ZNG1C: variants seen among roughly 807,000 people sequenced by gnomAD.
ZNG1C encodes the protein Zn regulated GTPase metalloprotein activator 1C.
chr9:68,287,584 A>G, the ZNG1C span, among the ~76,000 whole-genome samples: 63 of 152,386 alleles, frequency 4.1e-4, no homozygotes, highest in African/African-American at 1.4e-3. Flanking sequence ...GAAATTTCAA[A>G]CGTGCATAAG....
At chr9:68,247,138 C>G in the ZNG1C span, among the ~76,000 whole-genome samples, 1 of 152,182 alleles carries the variant, frequency 6.6e-6, no homozygotes, top group Non-Finnish European at 1.5e-5. Context: ...GGCCAAAAAC[C>G]TTCCTCAGGA....
At chr9:68,276,347 G>A in the ZNG1C span, among the ~76,000 whole-genome samples, 4 of 130,294 alleles carry the variant, frequency 3.1e-5, no homozygotes, top group Non-Finnish European at 5.0e-5. Context: ...TGTTACCATT[G>A]CTTTTGGTGT....
the ZNG1C span, among the ~76,000 whole-genome samples, chr9:68,296,852 T>C: frequency 6.6e-6 from 1 of 151,622 alleles, no homozygotes; most frequent in South Asian, 2.1e-4. Context: ...AGCTTCTGTT[T>C]CTTTAGGGTA....
At chr9:68,286,919 G>A in the ZNG1C span, among the ~76,000 whole-genome samples, 1 of 57,330 alleles carries the variant, frequency 1.7e-5, no homozygotes, top group Non-Finnish European at 3.9e-5. Flanking sequence ...AGAATTTATG[G>A]TAAAAAAAAA....
the ZNG1C span, among the ~76,000 whole-genome samples, chr9:68,283,085 GT>G: frequency 3.3e-5 from 2 of 59,928 alleles, no homozygotes; most frequent in Non-Finnish European, 7.1e-5. Context: ...TTTCCCTCAT[GT>G]CAGCTTCAGG....
the ZNG1C span, among the ~76,000 whole-genome samples, chr9:68,264,712 G>A: frequency 6.2e-3 from 70 of 11,236 alleles, no homozygotes; most frequent in Admixed American, 0.061. Flanking sequence ...CATTTTTGTC[G>A]TAGCATAAAG....
chr9:68,267,221 G>C, the ZNG1C span, among the ~76,000 whole-genome samples: 5 of 152,250 alleles, frequency 3.3e-5, no homozygotes, highest in African/African-American at 1.2e-4. Flanking sequence ...AGTTCATATA[G>C]TATATATTAT....
the ZNG1C span, among the ~76,000 whole-genome samples, chr9:68,292,054 C>T: frequency 2.0e-5 from 3 of 151,996 alleles, no homozygotes; most frequent in African/African-American, 4.8e-5. Context: ...GGTAGACTTG[C>T]TGGGTGGCTA....
the ZNG1C span, among the ~76,000 whole-genome samples, chr9:68,279,642 C>G: frequency 2.5e-5 from 3 of 121,362 alleles, no homozygotes; most frequent in East Asian, 4.2e-4. Flanking sequence ...GGCCCCCACT[C>G]TCTTCTGGCT....
the ZNG1C span, among the ~76,000 whole-genome samples, chr9:68,247,068 G>A: frequency 1.3e-5 from 2 of 151,732 alleles, no homozygotes; most frequent in African/African-American, 2.4e-5. Context: ...TCCTGACCTC[G>A]TTATCCGCCC....
chr9:68,247,496 T>C, the ZNG1C span: 4 of 1,595,878 alleles, frequency 2.5e-6, no homozygotes, highest in Non-Finnish European at 3.4e-6. Context: ...AGTGAAAGAA[T>C]ATAAGTTATA....
the ZNG1C span, chr9:68,269,211 T>A: frequency 2.5e-6 from 1 of 401,202 alleles, no homozygotes; most frequent in African/African-American, 2.1e-5. Context: ...TAACACTGTG[T>A]AAGTGTTTGC....
chr9:68,281,211 C>T, the ZNG1C span, among the ~76,000 whole-genome samples: 2 of 152,252 alleles, frequency 1.3e-5, no homozygotes, highest in African/African-American at 4.8e-5. Context: ...ATGGAGCACG[C>T]ACCCACTGAC....
the ZNG1C span, among the ~76,000 whole-genome samples, chr9:68,276,187 G>A: frequency 1.7e-5 from 2 of 115,126 alleles, no homozygotes; most frequent in Non-Finnish European, 3.7e-5. Context: ...TGAGTTCATT[G>A]TAGATTCTGG....
At chr9:68,284,895 AT>A in the ZNG1C span, among the ~76,000 whole-genome samples, 687 of 127,268 alleles carry the variant, frequency 5.4e-3, no homozygotes, top group African/African-American at 8.4e-3. Context: ...TCGTTGTTAG[AT>A]TTTTTTTTTT....
chr9:68,256,487 A>G, the ZNG1C span, among the ~76,000 whole-genome samples: 2 of 116,562 alleles, frequency 1.7e-5, no homozygotes, highest in African/African-American at 6.6e-5. Flanking sequence ...GGAATTATCT[A>G]TGTTTTGTTT....
chr9:68,268,649 G>A, the ZNG1C span, among the ~76,000 whole-genome samples: 9,231 of 151,630 alleles, frequency 0.061, 24 homozygotes, highest in Non-Finnish European at 0.079. Context: ...AAAGTGAAGC[G>A]TCTTTTTATT....
At chr9:68,251,078 C>G in the ZNG1C span, 1 of 260,256 alleles carries the variant, frequency 3.8e-6, no homozygotes. Context: ...GACCCCATTT[C>G]TTAAAAAAAA....
At chr9:68,267,103 TTATTATTGGTTA>T in the ZNG1C span, among the ~76,000 whole-genome samples, 2 of 151,982 alleles carry the variant, frequency 1.3e-5, no homozygotes, top group South Asian at 4.1e-4. Flanking sequence ...TCGGTAGCTA[TTATTATTGGTTA>T]TCTTTAATGT....
Sources: gnomAD v4.1 joint callset for allele counts (sites outside exome capture counted in the v4.1 genomes callset) on GRCh38, gnomAD v4.1.1 for gene constraint, MANE v1.5 for transcripts, NCBI Gene and HGNC (gene_info 2026-07-23, HGNC 2026-07-21) for gene names.